The following NLRP3 variants were observed in gnomAD, a reference collection of about 807,000 sequenced individuals.
NLRP3 encodes NACHT, LRR and PYD domains-containing protein 3.
In NLRP3, 48 loss-of-function variants were observed where a neutral mutation model predicts 91.3. The ratio of observed to expected loss-of-function variants is 0.53; its 90% CI spans 0.42 to 0.67. NLRP3 has a LOEUF of 0.67. NLRP3 is among the 30% of genes least tolerant of loss of function. NLRP3 has a pLI of 0.00. For missense variants in NLRP3, 982 were observed against 1,276.9 expected, an observed-to-expected ratio of 0.77 and a Z score of 3.52; for synonymous variants, 561 against 507.9, an observed-to-expected ratio of 1.10 and a Z score of -1.41.
Position 247,429,808 on chromosome 1 carries a change from A to G in NLRP3, c.2321+53A>G, listed in dbSNP as rs562506713. On this transcript the variant is annotated intron_variant, in intron 5 of 9. Transcript: ENST00000336119. ...GAGTGCAAGTTCATATGAGAGAGAG[A>G]GAGAGAAACAGACTGGAGAAAGATC... 2.9e-5 allele frequency: 46 copies of G among 1,592,888 alleles called. No individual in the cohort carries two copies. The East Asian group carries it at 9.6e-4, about 33-fold the overall frequency.
chr1:247,418,509 C>T lies in NLRP3; in HGVS notation c.-292C>T, dbSNP rs1365233117. On this transcript the variant is annotated 5_prime_UTR_variant, in exon 2 of 10. Coordinates refer to ENST00000336119, the MANE Select transcript of NLRP3 (RefSeq NM_001243133.2). ...TAGAGACACAGTTTTGCCATGTTGG[C>T]CAGGCTGGTCTTGAATTCCTCAGCT... 5.9e-5 allele frequency: 24 copies of T among 409,424 alleles called. No individual in the cohort carries two copies. Among genetic ancestry groups the T allele is most frequent in the South Asian group, 4.5e-4 (21 of 46,664 alleles). 25.4% of individuals were successfully genotyped at this position (409,424 alleles called of 1,614,324 possible). A position where few individuals can be genotyped will look rare whatever the true frequency, so the allele number is the denominator to read the frequency against.
intron 5 of NLRP3, among the ~76,000 whole-genome samples, chr1:247,431,077 G>C (rs186528571): frequency 9.9e-4 from 150 of 152,164 alleles, no homozygotes; most frequent in African/African-American, 3.4e-3. Context: ...CCAGCTACTC[G>C]GGAGGCTGAG....
chr1:247,448,349 G>T, intron 9 of NLRP3, 56 bp from the exon 10 acceptor site: 1 of 817,354 alleles, frequency 1.2e-6, no homozygotes, highest in South Asian at 1.3e-5. Context: ...TAAGGTTAAC[G>T]ACTCTGACAG....
chr1:247,444,171 A>T, intron 8 of NLRP3, 29 bp downstream of exon 8: 8 of 1,613,398 alleles, frequency 5.0e-6, no homozygotes, highest in Non-Finnish European at 6.8e-6. Context: ...TACAGCAATG[A>T]GAACACATGG....
intron 9 of NLRP3, 138 bp from the exon 10 acceptor site, chr1:247,448,266 CT>C: frequency 1.7e-6 from 1 of 593,470 alleles, no homozygotes; most frequent in South Asian, 1.7e-5. Flanking sequence ...GTTGTGGTCC[CT>C]CTTTTTTTTT....
Position 247,417,263 on chromosome 1 carries a change from C to T in NLRP3, c.-748-790C>T, listed in dbSNP as rs539643400. ...TGTTCCTTCCTGGTTCTAAACCCCT[C>T]GGCAGGCTTCCTAGTCCCCCTAAGA... On this transcript the variant is annotated intron_variant, in intron 1 of 9. Coordinates refer to ENST00000336119, the MANE Select transcript of NLRP3 (RefSeq NM_001243133.2). Among the ~76,000 whole-genome samples, 6 of 152,230 alleles carry T rather than the reference C, an allele frequency of 3.9e-5. No homozygotes were observed. In the South Asian group the frequency reaches 1.0e-3, roughly 26 times the overall value.
Position 247,424,841 on chromosome 1 carries a change from C to G in NLRP3, c.1392C>G (p.Leu464=), listed in dbSNP as rs868682097. ...GSQEHGLCAH[L]WGLCSLAADG... Reference sequence around the variant, plus strand: ...AGGAGCACGGCCTCTGCGCCCACCTCTGGGGGCTCTGCTCTTTGGCTGCAG... The same window carrying G: ...AGGAGCACGGCCTCTGCGCCCACCTGTGGGGGCTCTGCTCTTTGGCTGCAG... The change falls in exon 4 of 10, where the codon CTC becomes CTG. Residue 464 remains leucine, a synonymous_variant. Transcript: ENST00000336119. This position sits in a 1 kb window ranked among gnomAD's most constrained non-coding sequence, Gnocchi z 8.1. The G allele has an allele frequency of 1.9e-6, 3 of 1,608,060 alleles. No individual in the cohort carries two copies. Among genetic ancestry groups the G allele is most frequent in the Non-Finnish European group, 2.5e-6 (3 of 1,179,996 alleles).
Position 247,418,632 on chromosome 1 carries a change from A to T in NLRP3, c.-169A>T. 1.2e-6 allele frequency: 1 copy of T among 855,858 alleles called. No homozygotes were observed. The highest frequency in any genetic ancestry group is 1.8e-6 in the Non-Finnish European group (1 of 544,752). 53.0% of individuals were successfully genotyped at this position (855,858 alleles called of 1,614,324 possible). On this transcript the variant is annotated 5_prime_UTR_variant, in exon 2 of 10. Coordinates refer to ENST00000336119, the MANE Select transcript of NLRP3 (RefSeq NM_001243133.2). ...TAACTTTTCAAAATTAAAGATTTTG[A>T]CTTGTTACAGTCATGTGACATTTTT... is the stretch of plus-strand genomic sequence containing the variant.
rs202050558 is a variant in NLRP3, at chr1:247,423,281, G to C, written c.329G>C (p.Ser110Thr). 1.2e-6 allele frequency: 2 copies of C among 1,613,424 alleles called. No individual in the cohort carries two copies. The highest frequency in any genetic ancestry group is 1.1e-5 in the South Asian group (1 of 91,072). The stretch of plus-strand genomic sequence containing the variant: ...CCCACTGTGATATGCCAGGAAGACA[G>C]CATTGAAGAGGAGTGGATGGGTTTA... The part of the protein sequence containing the change: ...SNPTVICQED[S>T]IEEEWMGLLE... The change falls in exon 3 of 10, where the codon AGC becomes ACC. Residue 110 changes from serine to threonine, a missense_variant. Ser to Thr is a moderately conservative substitution (Grantham distance 58). Coordinates refer to ENST00000336119, the MANE Select transcript of NLRP3 (RefSeq NM_001243133.2).
chr1:247,424,256 C>A lies in NLRP3; in HGVS notation c.807C>A (p.Ser269Arg). Residue 269 changes from serine (S) to arginine (R), a missense_variant, in exon 4 of 10, where the codon AGC becomes AGA. Ser to Arg is a moderately radical substitution (Grantham distance 110, BLOSUM62 -1). This residue lies in a region of NLRP3 where 548 missense variants were observed against 713.7 expected (regional missense o/e 0.77). Coordinates refer to ENST00000336119, the MANE Select transcript of NLRP3 (RefSeq NM_001243133.2). This position sits in a 1 kb window ranked among gnomAD's most constrained non-coding sequence, Gnocchi z 8.1. ...AGGTGAGCCTTGTGACACAGAGGAGCCTGGGGGACCTGATCATGAGCTGCT... is the reference window on the plus strand; with the variant it reads ...AGGTGAGCCTTGTGACACAGAGGAGACTGGGGGACCTGATCATGAGCTGCT... ...CREVSLVTQR[S>R]LGDLIMSCCP... 1 of 1,614,090 alleles carries A rather than the reference C, an allele frequency of 6.2e-7. No individual in the cohort carries two copies. The highest frequency in any genetic ancestry group is 8.5e-7 in the Non-Finnish European group (1 of 1,180,012).
chr1:247,420,298 A>G (rs1297844286), intron 2 of NLRP3, among the ~76,000 whole-genome samples: 1 of 152,072 alleles, frequency 6.6e-6, no homozygotes, highest in Non-Finnish European at 1.5e-5. Context: ...TTCTTTATGT[A>G]TTCTAGATAT....
At position 247,439,000 on chromosome 1, in the gene NLRP3, T is replaced by C. The variant is rs1035138616; in HGVS notation, c.2663+2860T>C. Reference sequence around the variant, plus strand: ...CATCCATCCATCCATCATCCATCCCTCTATTTTCCATCCGTCAATCCATCC... The same window carrying C: ...CATCCATCCATCCATCATCCATCCCCCTATTTTCCATCCGTCAATCCATCC... On this transcript the variant is annotated intron_variant, in intron 7 of 9. Coordinates refer to ENST00000336119, the MANE Select transcript of NLRP3 (RefSeq NM_001243133.2). Among the ~76,000 whole-genome samples, 20 of 86,278 alleles carry C rather than the reference T, an allele frequency of 2.3e-4. 1 individual carries two copies. The East Asian group carries it at 7.4e-3, about 32-fold the overall frequency. 56.6% of individuals were successfully genotyped at this position (86,278 alleles called of 152,430 possible). A position where few individuals can be genotyped will look rare whatever the true frequency, so the allele number is the denominator to read the frequency against.
At chr1:247,435,159 A>C (rs1466761906) in intron 6 of NLRP3, among the ~76,000 whole-genome samples, 1 of 152,124 alleles carries the variant, frequency 6.6e-6, no homozygotes, top group East Asian at 1.9e-4. Context: ...TGGAGGCAAG[A>C]GAATCTTTTG....
Position 247,425,880 on chromosome 1 carries a change from A to G in NLRP3, c.2150+281A>G, listed in dbSNP as rs1171099532. ...GTAGGATGTAGGATTGCCTACAAAT[A>G]TTTGTCAACTGAAATTTCTTGTAAG... is the stretch of plus-strand genomic sequence containing the variant. On this transcript the variant is annotated intron_variant, in intron 4 of 9. Coordinates refer to ENST00000336119, the MANE Select transcript of NLRP3 (RefSeq NM_001243133.2). This position sits in a 1 kb window ranked among gnomAD's most constrained non-coding sequence, Gnocchi z 4.1. The G allele has an allele frequency of 4.4e-6, 2 of 451,622 alleles. No individual in the cohort carries two copies. The highest frequency in any genetic ancestry group is 4.0e-5 in the African/African-American group (2 of 50,458). 28.0% of individuals were successfully genotyped at this position (451,622 alleles called of 1,614,324 possible). A position where few individuals can be genotyped will look rare whatever the true frequency, so the allele number is the denominator to read the frequency against.
chr1:247,423,836 C>A lies in NLRP3; in HGVS notation c.398-11C>A. On this transcript the variant is annotated splice_polypyrimidine_tract_variant and intron_variant, in intron 3 of 9. Transcript: ENST00000336119. ...GTATACTTTCCCCCTAACTTCCTGT[C>A]TTTGCCGTAGATTACCGTAAGAAGT... The A allele has an allele frequency of 1.2e-6, 2 of 1,612,908 alleles. No homozygotes were observed. Among genetic ancestry groups the A allele is most frequent in the South Asian group, 2.2e-5 (2 of 90,696 alleles).
At position 247,444,644 on chromosome 1, in the gene NLRP3, T is replaced by G. The variant is rs747303698; in HGVS notation, c.2835-7T>G. Reference sequence around the variant, plus strand: ...GACATTTTCTTTAAATCACCCCCTTTTTGCAGATTAGACAACTGCAACCTC... The same window carrying G: ...GACATTTTCTTTAAATCACCCCCTTGTTGCAGATTAGACAACTGCAACCTC... On this transcript the variant is annotated splice_polypyrimidine_tract_variant and splice_region_variant and intron_variant, in intron 8 of 9. Coordinates refer to ENST00000336119, the MANE Select transcript of NLRP3 (RefSeq NM_001243133.2). 5.0e-6 allele frequency: 8 copies of G among 1,613,884 alleles called. No individual in the cohort carries two copies. In the Admixed American group the frequency reaches 1.3e-4, roughly 27 times the overall value.
At chr1:247,426,608 T>C (rs1332808597) in intron 4 of NLRP3, among the ~76,000 whole-genome samples, 3 of 152,190 alleles carry the variant, frequency 2.0e-5, no homozygotes. Context: ...TTCCTAGTCA[T>C]GGTTTGGCCA....
intron 5 of NLRP3, among the ~76,000 whole-genome samples, chr1:247,431,483 C>T (rs1414227979): frequency 6.6e-6 from 1 of 152,216 alleles, no homozygotes; most frequent in Non-Finnish European, 1.5e-5. Context: ...CGTCCTCACC[C>T]CACCAGCCCA....
intron 7 of NLRP3, among the ~76,000 whole-genome samples, chr1:247,440,003 A>G (rs887444223): frequency 6.6e-5 from 10 of 152,378 alleles, no homozygotes; most frequent in African/African-American, 2.2e-4. Context: ...TGTGTTAGGT[A>G]CAGCCATACA....
Sources: allele counts gnomAD v4.1 joint callset (sites outside exome capture counted in the v4.1 genomes callset), GRCh38; gene constraint gnomAD v4.1.1; regional missense constraint gnomAD v4.1.1; non-coding constraint Gnocchi (gnomAD v3.1); transcripts MANE v1.5; gene names NCBI Gene and HGNC (gene_info 2026-07-23, HGNC 2026-07-21).